The following CCDC88A variants were observed in gnomAD, a reference collection of about 807,000 sequenced individuals.
CCDC88A encodes coiled-coil and HOOK domain protein 88A.
In CCDC88A, 54 loss-of-function variants were observed where a neutral mutation model predicts 234.3. The ratio of observed to expected loss-of-function variants is 0.23; its 90% CI spans 0.19 to 0.29. CCDC88A has a LOEUF of 0.29. Among genes scored for constraint, CCDC88A ranks in the 10% least tolerant of loss-of-function variants. CCDC88A has a pLI of 1.00. For missense variants in CCDC88A, 1,832 were observed against 2,123.4 expected, an observed-to-expected ratio of 0.86 and a Z score of 2.70; for synonymous variants, 753 against 737.8, an observed-to-expected ratio of 1.02 and a Z score of -0.33.
intron 3 of CCDC88A, among the ~76,000 whole-genome samples, chr2:55,379,117 AT>A (rs529852069): frequency 2.2e-4 from 33 of 152,338 alleles, no homozygotes; most frequent in Non-Finnish European, 3.7e-4. Context: ...ATATTAAAAA[AT>A]ATACAAGACA....
At position 55,296,000 on chromosome 2, in the gene CCDC88A, G is replaced by C. The variant is rs766939356; in HGVS notation, c.5148C>G (p.Val1716=). The change falls in exon 31 of 33, where the codon GTC becomes GTG. Residue 1716 remains valine (V), a synonymous_variant. Coordinates refer to ENST00000436346, the MANE Select transcript of CCDC88A (RefSeq NM_001365480.1). ...TGTCTTTTCCCAAAAAGTCAGAAGA[G>C]ACAGACAAACTTTTCATTACTTCAT... ...LLDEVMKSLS[V]SSDFLGKDKP... is the part of the protein sequence containing the mutation. 1.2e-6 allele frequency: 2 copies of C among 1,610,194 alleles called. No individual in the cohort carries two copies. The highest frequency in any genetic ancestry group is 3.4e-5 in the Admixed American group (2 of 58,892).
chr2:55,317,816 T>C lies in CCDC88A; in HGVS notation c.3350A>G (p.Gln1117Arg). The stretch of plus-strand genomic sequence containing the variant: ...ATTCTGGTTCATGAGTGAGGTACTT[T>C]GGGAATTAAGGGTGGAATTTTCAAC... ...LQVENSTLNS[Q>R]STSLMNQNAQ... Residue 1117 changes from glutamine (Q) to arginine (R), a missense_variant, in exon 20 of 33, where the codon CAA (glutamine) becomes CGA (arginine). Physicochemically the swap from Gln to Arg is conservative, Grantham distance 43. Coordinates refer to ENST00000436346, the MANE Select transcript of CCDC88A (RefSeq NM_001365480.1). This position sits in a 1 kb window ranked among gnomAD's most constrained non-coding sequence, Gnocchi z 4.2. 1 of 1,606,616 alleles carries C rather than the reference T, an allele frequency of 6.2e-7. No individual in the cohort carries two copies. Among genetic ancestry groups the C allele is most frequent in the South Asian group, 1.1e-5 (1 of 90,288 alleles).
chr2:55,365,231 G>A (rs758485398), intron 5 of CCDC88A, among the ~76,000 whole-genome samples: 10 of 152,032 alleles, frequency 6.6e-5, no homozygotes, highest in Non-Finnish European at 1.5e-4. Context: ...AACTTAGTGG[G>A]TTTAAACTCA....
chr2:55,302,603 C>T (rs1681030649), intron 26 of CCDC88A: 1 of 159,156 alleles, frequency 6.3e-6, no homozygotes, highest in Non-Finnish European at 1.4e-5. Context: ...CTACCCATGC[C>T]ACATAAAAAA....
At chr2:55,304,736 GTCAC>G (rs1681331634) in intron 25 of CCDC88A, among the ~76,000 whole-genome samples, 1 of 152,060 alleles carries the variant, frequency 6.6e-6, no homozygotes, top group South Asian at 2.1e-4. Context: ...GTTCACTAGA[GTCAC>G]TAACCATTCT....
chr2:55,383,634 A>G (rs984451445), intron 3 of CCDC88A, among the ~76,000 whole-genome samples: 3 of 151,680 alleles, frequency 2.0e-5, no homozygotes, highest in Non-Finnish European at 4.4e-5. Context: ...AAAAAAAAAA[A>G]AAAAGAAAAG....
At chr2:55,389,002 A>T in intron 2 of CCDC88A, 116 bp from the exon 3 acceptor site, 1 of 303,234 alleles carries the variant, frequency 3.3e-6, no homozygotes, top group Non-Finnish European at 6.0e-6. Flanking sequence ...GCTCATCTGC[A>T]TTAACAGAGA....
rs1201301851 is a variant in CCDC88A at position 55,302,051 on chromosome 2, G to A, written c.4493C>T (p.Ser1498Phe). 1 of 1,613,924 alleles carries A rather than the reference G, an allele frequency of 6.2e-7. No homozygotes were observed. Among genetic ancestry groups the A allele is most frequent in the South Asian group, 1.1e-5 (1 of 91,080 alleles). ...RSMSMNDLVQ[S>F]MVLAGQWTGS... Reference sequence around the variant, plus strand: ...TGTCCACTGTCCTGCTAGGACCATGGACTGCACCAGGTCATTCATGGCTGG... The same window carrying A: ...TGTCCACTGTCCTGCTAGGACCATGAACTGCACCAGGTCATTCATGGCTGG... Residue 1498 changes from serine to phenylalanine, a missense_variant, in exon 27 of 33, where the codon TCC (serine) becomes TTC (phenylalanine). Coordinates refer to ENST00000436346, the MANE Select transcript of CCDC88A (RefSeq NM_001365480.1).
chr2:55,313,390 C>T (rs923989236), intron 22 of CCDC88A: 1 of 152,174 alleles, frequency 6.6e-6, no homozygotes, highest in Non-Finnish European at 1.5e-5. Flanking sequence ...TTTCAAGAAA[C>T]CTTAAAAGTC....
intron 23 of CCDC88A, among the ~76,000 whole-genome samples, chr2:55,311,430 C>G (rs1278195064): frequency 1.3e-5 from 2 of 152,116 alleles, no homozygotes; most frequent in Non-Finnish European, 2.9e-5. Context: ...ATGATGTATC[C>G]TGGTTTCACA....
Position 55,317,733 on chromosome 2 carries a change from C to T in CCDC88A, c.3433G>A (p.Glu1145Lys). The change falls in exon 20 of 33, where the codon GAG (glutamate) becomes AAG (lysine). Residue 1145 changes from glutamate to lysine, a missense_variant. Physicochemically the swap from Glu to Lys is moderately conservative, Grantham distance 56. Coordinates refer to ENST00000436346, the MANE Select transcript of CCDC88A (RefSeq NM_001365480.1). This position sits in a 1 kb window ranked among gnomAD's most constrained non-coding sequence, Gnocchi z 4.2. ...LENENESVIK[E>K]REDLKSLYDS... ...TAGAGAGATTTTAGGTCTTCTCGCT[C>T]TTTGATTACAGATTCATTTTCATTT... is the stretch of plus-strand genomic sequence containing the variant. 6.2e-7 allele frequency: 1 copy of T among 1,613,506 alleles called. No individual in the cohort carries two copies.
In CCDC88A at chr2:55,334,299, A is replaced by G; in HGVS notation, c.2522T>C (p.Leu841Pro). The change falls in exon 15 of 33, where the codon CTC becomes CCC. Residue 841 changes from leucine (L) to proline (P), a missense_variant. Transcript: ENST00000436346. The surrounding 1 kb of genome is among the most constrained non-coding windows in gnomAD (Gnocchi z 6.1). ...KKQLEKENKR[L>P]RQQAEIKDTT... ...ATCTTTAATTTCTGCTTGTTGTCGG[A>G]GTCTCTTATTTTCCTTCTCCAATTG... 6.9e-7 allele frequency: 1 copy of G among 1,453,940 alleles called. No individual in the cohort carries two copies. The highest frequency in any genetic ancestry group is 9.0e-7 in the Non-Finnish European group (1 of 1,105,440). 90.1% of individuals were successfully genotyped at this position (1,453,940 alleles called of 1,614,324 possible).
At position 55,301,879 on chromosome 2, in the gene CCDC88A, A is replaced by G; in HGVS notation, c.4665T>C (p.Asn1555=). The change falls in exon 27 of 33, where the codon AAT becomes AAC. Residue 1555 remains asparagine (N), a synonymous_variant. Coordinates refer to ENST00000436346, the MANE Select transcript of CCDC88A (RefSeq NM_001365480.1). ...SAGFRSKQLV[N]NKDTTSFEDI... is the part of the protein sequence containing the mutation. ...ATAGCAGACAGCCTATACCTTTATT[A>G]TTAACCAACTGCTTGGATCTGAAGC... The G allele has an allele frequency of 6.2e-7, 1 of 1,613,938 alleles. No individual in the cohort carries two copies. The highest frequency in any genetic ancestry group is 8.5e-7 in the Non-Finnish European group (1 of 1,179,942).
In CCDC88A at chr2:55,355,592, G is replaced by T; in HGVS notation, c.787C>A (p.Leu263Ile). ...LADAKAKIRR[L>I]RQELEEKTEQ... ...TCAGCAACTTACAATTCCTGCCTAA[G>T]CCTTCTTATCTTGGCTTTAGCATCT... Residue 263 changes from leucine (L) to isoleucine (I), a missense_variant, in exon 8 of 33, where the codon CTT becomes ATT. Around this residue, in one of 6 missense-constraint regions of CCDC88A, gnomAD observed 1,282 missense variants for 1,543.6 expected, o/e 0.83. Transcript: ENST00000436346. The T allele has an allele frequency of 6.2e-7, 1 of 1,613,950 alleles. No homozygotes were observed. The highest frequency in any genetic ancestry group is 8.5e-7 in the Non-Finnish European group (1 of 1,179,874).
chr2:55,319,087 C>T, intron 18 of CCDC88A, 83 bp from the exon 19 acceptor site: 1 of 1,095,162 alleles, frequency 9.1e-7, no homozygotes, highest in Non-Finnish European at 1.3e-6. Context: ...GAATTTTATA[C>T]AATGAGTATT....
chr2:55,336,368 T>C (rs1395179284), intron 14 of CCDC88A, among the ~76,000 whole-genome samples: 1 of 152,078 alleles, frequency 6.6e-6, no homozygotes, highest in Non-Finnish European at 1.5e-5. Context: ...CTCCATTTCC[T>C]GGCCAACTCC....
Position 55,296,382 on chromosome 2 carries a change from A to G in CCDC88A, c.4967T>C (p.Leu1656Pro), listed in dbSNP as rs1680032393. 1.2e-6 allele frequency: 2 copies of G among 1,614,040 alleles called. No individual in the cohort carries two copies. Among genetic ancestry groups the G allele is most frequent in the Admixed American group, 3.3e-5 (2 of 59,994 alleles). The change falls in exon 30 of 33, where the codon CTC (leucine) becomes CCC (proline). Residue 1656 changes from leucine (L) to proline (P), a missense_variant. Leu to Pro is a moderately conservative substitution (Grantham distance 98). Around this residue, in one of 6 missense-constraint regions of CCDC88A, gnomAD observed 422 missense variants for 416.5 expected, o/e 1.01. Transcript: ENST00000436346. ...CAGTGTTTCAGATATTTTGTGCTGGAGCACTGGGCTTGATCTGGTCTGTCT... is the reference window on the plus strand; with the variant it reads ...CAGTGTTTCAGATATTTTGTGCTGGGGCACTGGGCTTGATCTGGTCTGTCT... ...LKRQTRSSPV[L>P]QHKISETLES...
chr2:55,355,723 T>A lies in CCDC88A; in HGVS notation c.656A>T (p.Asp219Val), dbSNP rs1408210790. 3 of 1,613,830 alleles carry A rather than the reference T, an allele frequency of 1.9e-6. No individual in the cohort carries two copies. Among genetic ancestry groups the A allele is most frequent in the Non-Finnish European group, 2.5e-6 (3 of 1,179,746 alleles). The change falls in exon 8 of 33, where the codon GAT becomes GTT. Residue 219 changes from aspartate (D) to valine (V), a missense_variant. Asp to Val is a radical substitution (Grantham distance 152, BLOSUM62 -3). Around this residue, in one of 6 missense-constraint regions of CCDC88A, gnomAD observed 1,282 missense variants for 1,543.6 expected, o/e 0.83. Transcript: ENST00000436346. Reference sequence around the variant, plus strand: ...GGCATGGGGTAGAAAATGGAGACCATCCCGCTCTTCAGAGAGTTCTATGAT... The same window carrying A: ...GGCATGGGGTAGAAAATGGAGACCAACCCGCTCTTCAGAGAGTTCTATGAT... ...ETIIELSEER[D>V]GLHFLPHASS...
chr2:55,314,081 C>T (rs1682670873), intron 22 of CCDC88A: 1 of 152,114 alleles, frequency 6.6e-6, no homozygotes, highest in Admixed American at 6.6e-5. Flanking sequence ...AAGTCTAGGC[C>T]TCAAGTTGCC....
Sources: gnomAD v4.1 joint callset for allele counts (sites outside exome capture counted in the v4.1 genomes callset) on GRCh38, gnomAD v4.1.1 for gene constraint, gnomAD v4.1.1 regional missense constraint, Gnocchi (gnomAD v3.1) non-coding constraint, MANE v1.5 for transcripts, NCBI Gene and HGNC (gene_info 2026-07-23, HGNC 2026-07-21) for gene names.